Variants in RARRES1 observed in about 807,000 individuals in gnomAD.
RARRES1 encodes the protein retinoic acid receptor responder protein 1.
RARRES1 carries 34 observed loss-of-function variants against 30.6 expected under a neutral mutation model. The ratio of observed to expected loss-of-function variants is 1.11; its 90% CI spans 0.84 to 1.48. The LOEUF (loss-of-function observed/expected upper bound fraction) is 1.48. Among genes scored for constraint, RARRES1 ranks in the 40% most tolerant of loss-of-function variants. The probability of loss-of-function intolerance (pLI) is 0.00; values close to 1 mark genes in which losing one functional copy is unlikely to be tolerated. For synonymous variants in RARRES1, 153 were observed against 155.5 expected (o/e 0.98, Z 0.12); for missense variants, 373 against 386.5 (o/e 0.97, Z 0.29).
At chr3:158,704,954 G>A (rs1726868043) in intron 3 of RARRES1, 27 bp from the exon 4 acceptor site, 43 of 1,591,832 alleles carry the variant, frequency 2.7e-5, no homozygotes, top group Non-Finnish European at 3.7e-5. Context: ...AAGCACATTT[G>A]TATTAATGCA....
chr3:158,700,671 C>G (rs1003799840), intron 4 of RARRES1, among the ~76,000 whole-genome samples: 8 of 152,174 alleles, frequency 5.3e-5, no homozygotes, highest in African/African-American at 1.7e-4. Context: ...ACTGCCCTCC[C>G]CATGTCAAGC....
At chr3:158,725,799 A>C (rs1249527860) in intron 1 of RARRES1, among the ~76,000 whole-genome samples, 1 of 152,138 alleles carries the variant, frequency 6.6e-6, no homozygotes, top group African/African-American at 2.4e-5. Context: ...CCCATGCTAG[A>C]CCCAGACTCT....
intron 1 of RARRES1, among the ~76,000 whole-genome samples, chr3:158,725,122 C>A (rs1044345709): frequency 6.6e-6 from 1 of 152,110 alleles, no homozygotes; most frequent in Admixed American, 6.5e-5. Flanking sequence ...ACATGCCCGG[C>A]GAAGATTTCC....
At chr3:158,719,489 C>G (rs565990988) in intron 1 of RARRES1, among the ~76,000 whole-genome samples, 1 of 152,230 alleles carries the variant, frequency 6.6e-6, no homozygotes, top group East Asian at 1.9e-4. Context: ...CCAGGCTGGT[C>G]TCAAACTCCT....
chr3:158,720,111 A>G (rs1006281426), intron 1 of RARRES1, among the ~76,000 whole-genome samples: 1 of 152,166 alleles, frequency 6.6e-6, no homozygotes, highest in South Asian at 2.1e-4. Flanking sequence ...CCAAAGTCAC[A>G]ACACAGGAAG....
chr3:158,722,936 A>G (rs1727564877), intron 1 of RARRES1, among the ~76,000 whole-genome samples: 1 of 152,088 alleles, frequency 6.6e-6, no homozygotes, highest in Non-Finnish European at 1.5e-5. Context: ...AAACACCACA[A>G]AAACGTGGAG....
chr3:158,725,460 A>G (rs1727656752), intron 1 of RARRES1, among the ~76,000 whole-genome samples: 2 of 152,314 alleles, frequency 1.3e-5, no homozygotes, highest in South Asian at 4.1e-4. Flanking sequence ...AGAACAACCT[A>G]GGTCCTTAAA....
chr3:158,722,764 C>T (rs1445785030), intron 1 of RARRES1, among the ~76,000 whole-genome samples: 3 of 151,760 alleles, frequency 2.0e-5, no homozygotes, highest in Admixed American at 6.6e-5. Flanking sequence ...CGCCTGTAGT[C>T]CCAGCTACTT....
At chr3:158,717,981 A>ATTTTTT (rs10663483) in intron 1 of RARRES1, among the ~76,000 whole-genome samples, 2 of 144,470 alleles carry the variant, frequency 1.4e-5, no homozygotes, top group African/African-American at 2.6e-5. Context: ...TATTAAGACA[A>ATTTTTT]TTTTTTTTTT....
intron 1 of RARRES1, among the ~76,000 whole-genome samples, chr3:158,726,331 A>G (rs1444650899): frequency 6.6e-6 from 1 of 152,236 alleles, no homozygotes; most frequent in Admixed American, 6.5e-5. Context: ...AGAAATCACA[A>G]AGGAATAAAG....
At chr3:158,709,231 C>T (rs1326545634) in intron 3 of RARRES1, among the ~76,000 whole-genome samples, 1 of 152,144 alleles carries the variant, frequency 6.6e-6, no homozygotes, top group Non-Finnish European at 1.5e-5. Flanking sequence ...ATACAGTTAG[C>T]CTGCACTATT....
At chr3:158,710,972 AC>A (rs1559870904) in intron 2 of RARRES1, 39 bp from the exon 3 acceptor site, 4 of 1,543,288 alleles carry the variant, frequency 2.6e-6, no homozygotes, top group Non-Finnish European at 2.7e-6. Context: ...CCTCCCACTC[AC>A]CCCAGTGCAC....
At chr3:158,715,552 G>T (rs17643171) in intron 1 of RARRES1, among the ~76,000 whole-genome samples, 2 of 152,044 alleles carry the variant, frequency 1.3e-5, no homozygotes, top group African/African-American at 4.8e-5. Flanking sequence ...CAATACACAG[G>T]GCGTTGTGAA....
intron 1 of RARRES1, among the ~76,000 whole-genome samples, chr3:158,714,862 C>T (rs1310994118): frequency 1.3e-5 from 2 of 152,104 alleles, no homozygotes; most frequent in Non-Finnish European, 1.5e-5. Context: ...TGCATCTTAG[C>T]GTAGCAATTC....
chr3:158,709,246 A>T lies in RARRES1; in HGVS notation c.535+1492T>A, dbSNP rs562934431. ...ATACAGTTAGCCTGCACTATTAAAG[A>T]GTGTCTAAAGTCTCGTGACCCTGTG... is the stretch of plus-strand genomic sequence containing the variant. On this transcript the variant is annotated intron_variant, in intron 3 of 5. Transcript: ENST00000237696. 1.2e-4 allele frequency among the ~76,000 whole-genome samples: 18 copies of T among 152,344 alleles called. No individual in the cohort carries two copies. The East Asian group carries it at 3.1e-3, about 26-fold the overall frequency.
Position 158,732,131 on chromosome 3 carries a change from C to A in RARRES1, c.276+9G>T. On this transcript the variant is annotated intron_variant, in intron 1 of 5. Coordinates refer to ENST00000237696, the MANE Select transcript of RARRES1 (RefSeq NM_206963.2). ...AGGCGCGTGCCCCGGCGCGTCGCTC[C>A]GCACTCACCCACGCGCGGCCCTCCT... 1 of 1,345,934 alleles carries A rather than the reference C, an allele frequency of 7.4e-7. No homozygotes were observed. The highest frequency in any genetic ancestry group is 9.5e-7 in the Non-Finnish European group (1 of 1,056,354). The allele number at this position is 1,345,934 out of a possible 1,614,324, so 83.4% of individuals were successfully genotyped here.
At chr3:158,731,239 T>A (rs991533410) in intron 1 of RARRES1, among the ~76,000 whole-genome samples, 7 of 152,240 alleles carry the variant, frequency 4.6e-5, no homozygotes, top group African/African-American at 1.4e-4. Context: ...ATGAAAATCC[T>A]GCTGCTACAC....
In RARRES1 at chr3:158,728,519, T is replaced by TTTC. The variant is rs1727766165; in HGVS notation, c.276+3620_276+3621insGAA. 1.9e-5 allele frequency among the ~76,000 whole-genome samples: 2 copies of TTTC among 107,892 alleles called. 1 individual carries two copies. The highest frequency in any genetic ancestry group is 6.1e-5 in the African/African-American group (2 of 32,648). 70.8% of individuals were successfully genotyped at this position (107,892 alleles called of 152,430 possible). A position where few individuals can be genotyped will look rare whatever the true frequency, so the allele number is the denominator to read the frequency against. ...CAATCGTGGTTTCTTTTTCTTTCTT[T>TTTC]TTTTTTTTTTTTTTTGGTTTTTGAG... On this transcript the variant is annotated intron_variant, in intron 1 of 5. Coordinates refer to ENST00000237696, the MANE Select transcript of RARRES1 (RefSeq NM_206963.2).
chr3:158,730,868 C>T (rs1727861384), intron 1 of RARRES1, among the ~76,000 whole-genome samples: 2 of 152,166 alleles, frequency 1.3e-5, no homozygotes, highest in East Asian at 3.9e-4. Flanking sequence ...ACCGCAACCT[C>T]CGCCTCCCAA....
Sources: gnomAD v4.1 joint callset for allele counts (sites outside exome capture counted in the v4.1 genomes callset) on GRCh38, gnomAD v4.1.1 for gene constraint, MANE v1.5 for transcripts, NCBI Gene and HGNC (gene_info 2026-07-23, HGNC 2026-07-21) for gene names.